Variants in PIBF1 observed in about 807,000 individuals in gnomAD.
The protein encoded by PIBF1 is progesterone immunomodulatory binding factor 1.
A neutral mutation model predicts 112.5 loss-of-function variants in PIBF1; 90 were observed. The ratio of observed to expected loss-of-function variants is 0.80; its 90% CI spans 0.67 to 0.95. The LOEUF is 0.95. Ranked by LOEUF, PIBF1 falls within the 40% of genes least tolerant of loss-of-function variation. The pLI is 0.00. For missense variants in PIBF1, 915 were observed against 852.3 expected, an observed-to-expected ratio of 1.07 and a Z score of -0.92; for synonymous variants, 301 against 288.6, an observed-to-expected ratio of 1.04 and a Z score of -0.44.
chr13:72,860,782 C>A (rs1426183052), intron 10 of PIBF1, among the ~76,000 whole-genome samples: 1 of 152,096 alleles, frequency 6.6e-6, no homozygotes, highest in East Asian at 1.9e-4. Flanking sequence ...TGGCTTTTTA[C>A]TCAAAGACTT....
At chr13:72,849,497 T>C (rs965808434) in intron 9 of PIBF1, among the ~76,000 whole-genome samples, 2 of 152,246 alleles carry the variant, frequency 1.3e-5, no homozygotes, top group African/African-American at 4.8e-5. Context: ...ACTTATTATA[T>C]GAAAGTTATT....
intron 8 of PIBF1, among the ~76,000 whole-genome samples, chr13:72,834,564 T>C (rs1329849358): frequency 6.6e-6 from 1 of 152,074 alleles, no homozygotes; most frequent in Non-Finnish European, 1.5e-5. Context: ...GAGTTCGGGG[T>C]TACATGATTG....
chr13:72,798,785 C>T lies in PIBF1; in HGVS notation c.672+759C>T, dbSNP rs544945751. Among the ~76,000 whole-genome samples, 8 of 152,192 alleles carry T rather than the reference C, an allele frequency of 5.3e-5. No individual in the cohort carries two copies. The East Asian group carries it at 5.8e-4, about 11-fold the overall frequency. On this transcript the variant is annotated intron_variant, in intron 5 of 17. Transcript: ENST00000326291. ...GGTGGCTGTTTTTCTTCAAATATTT[C>T]GTTATTCTAAAAGGAAAACACTTCT...
At chr13:72,961,026 A>G (rs987799570) in intron 14 of PIBF1, among the ~76,000 whole-genome samples, 6 of 143,396 alleles carry the variant, frequency 4.2e-5, no homozygotes, top group African/African-American at 1.3e-4. Context: ...TTCACTATTC[A>G]TTTCCTTCTT....
intron 13 of PIBF1, among the ~76,000 whole-genome samples, chr13:72,920,450 A>G (rs9573064): frequency 0.27 from 41,836 of 152,220 alleles, 6,874 homozygotes; most frequent in East Asian, 0.47. Context: ...AAATTGATCA[A>G]TGGCACTAAA....
intron 14 of PIBF1, among the ~76,000 whole-genome samples, chr13:72,956,867 C>T (rs983257702): frequency 4.6e-5 from 7 of 152,154 alleles, no homozygotes; most frequent in Admixed American, 1.3e-4. Context: ...CATGAATAGA[C>T]AGTTCTCAAA....
chr13:72,974,988 A>G (rs1016560788), intron 16 of PIBF1, among the ~76,000 whole-genome samples: 16 of 151,566 alleles, frequency 1.1e-4, no homozygotes, highest in African/African-American at 3.2e-4. Flanking sequence ...CCTTTTTTCT[A>G]CTGAACTATC....
At chr13:72,995,844 G>A (rs2139017769) in intron 16 of PIBF1, among the ~76,000 whole-genome samples, 1 of 151,818 alleles carries the variant, frequency 6.6e-6, no homozygotes, top group African/African-American at 2.4e-5. Flanking sequence ...TAGCTACTCT[G>A]GAGGCTGAGG....
chr13:72,995,146 C>CA (rs1172368746), intron 16 of PIBF1, among the ~76,000 whole-genome samples: 2 of 151,122 alleles, frequency 1.3e-5, no homozygotes, highest in Admixed American at 1.3e-4. Context: ...CTAAAAATAA[C>CA]AAAAAATTAG....
intron 12 of PIBF1, among the ~76,000 whole-genome samples, chr13:72,916,059 AC>A (rs1371494899): frequency 3.3e-5 from 5 of 152,056 alleles, no homozygotes; most frequent in Non-Finnish European, 5.9e-5. Context: ...TTGATGAAAT[AC>A]TTTTTTTGGT....
chr13:72,788,265 T>C (rs1323753530), intron 2 of PIBF1, among the ~76,000 whole-genome samples: 1 of 152,158 alleles, frequency 6.6e-6, no homozygotes, highest in Non-Finnish European at 1.5e-5. Context: ...TTATAGGTAT[T>C]TCTATTTTGG....
At chr13:72,940,866 G>C (rs2041992272) in intron 14 of PIBF1, among the ~76,000 whole-genome samples, 1 of 152,174 alleles carries the variant, frequency 6.6e-6, no homozygotes, top group African/African-American at 2.4e-5. Flanking sequence ...TACCAATCTT[G>C]TCTGTAGTTC....
chr13:72,962,330 C>G (rs2042628015), intron 14 of PIBF1, among the ~76,000 whole-genome samples: 2 of 152,066 alleles, frequency 1.3e-5, no homozygotes, highest in Non-Finnish European at 2.9e-5. Context: ...AAAAATACAG[C>G]CAGGCATGAT....
intron 11 of PIBF1, among the ~76,000 whole-genome samples, chr13:72,900,005 A>G (rs987887925): frequency 1.3e-5 from 2 of 152,168 alleles, no homozygotes; most frequent in African/African-American, 4.8e-5. Flanking sequence ...CCCTTTTACT[A>G]TAGCTGCAAA....
intron 13 of PIBF1, among the ~76,000 whole-genome samples, chr13:72,927,948 T>TATAC (rs2041545002): frequency 1.5e-5 from 1 of 65,554 alleles, no homozygotes; most frequent in African/African-American, 8.7e-5. Flanking sequence ...TATGTGTGTA[T>TATAC]ATATATATAT....
At chr13:72,782,691 T>G (rs1407119703) in intron 1 of PIBF1, among the ~76,000 whole-genome samples, 1 of 152,334 alleles carries the variant, frequency 6.6e-6, no homozygotes, top group African/African-American at 2.4e-5. Flanking sequence ...GAGTTAGAAG[T>G]AAGTTCTATT....
intron 12 of PIBF1, among the ~76,000 whole-genome samples, chr13:72,913,047 G>A (rs1036803506): frequency 6.6e-6 from 1 of 151,390 alleles, no homozygotes; most frequent in Non-Finnish European, 1.5e-5. Context: ...AAATCAAGGG[G>A]TGGGGGTAAA....
intron 10 of PIBF1, among the ~76,000 whole-genome samples, chr13:72,880,200 C>G (rs1301240921): frequency 6.6e-6 from 1 of 152,170 alleles, no homozygotes; most frequent in African/African-American, 2.4e-5. Context: ...ACGGGTAACT[C>G]TGTTTCTTGG....
rs534251006 is a variant in PIBF1 at position 73,010,408 on chromosome 13, G to C, written c.2224-5461G>C. On this transcript the variant is annotated intron_variant, in intron 17 of 17. Transcript: ENST00000326291. ...ACCTGAGGTCAGGAGTTCCAGACCA[G>C]CCTGGCTAACATGGTGAAACCCCAT... 2.2e-4 allele frequency among the ~76,000 whole-genome samples: 34 copies of C among 152,020 alleles called. No individual in the cohort carries two copies. In the East Asian group the frequency reaches 5.6e-3, roughly 25 times the overall value.
Sources: allele counts gnomAD v4.1 joint callset (sites outside exome capture counted in the v4.1 genomes callset), GRCh38; gene constraint gnomAD v4.1.1; transcripts MANE v1.5; gene names NCBI Gene and HGNC (gene_info 2026-07-23, HGNC 2026-07-21).